Variants in RXFP1 observed in about 807,000 individuals in gnomAD.
RXFP1 encodes the protein relaxin family peptide receptor 1.
RXFP1 carries 73 observed loss-of-function variants against 89.8 expected under a neutral mutation model. That is an observed-to-expected ratio of 0.81 (90% CI 0.67 to 0.99). The LOEUF is 0.99. Among genes scored for constraint, RXFP1 ranks in the 50% least tolerant of loss-of-function variants. RXFP1 has a pLI of 0.00. For synonymous variants in RXFP1, 277 were observed against 305.5 expected (o/e 0.91, Z 0.97); for missense variants, 793 against 895.5 (o/e 0.89, Z 1.46).
chr4:158,565,139 G>T (rs1196063282), intron 1 of RXFP1, among the ~76,000 whole-genome samples: 5 of 152,130 alleles, frequency 3.3e-5, no homozygotes, highest in Admixed American at 3.3e-4. Context: ...TGAGTAAGGC[G>T]AGGAGAGCAT....
At chr4:158,579,529 G>T (rs1246607352) in intron 2 of RXFP1, among the ~76,000 whole-genome samples, 1 of 152,230 alleles carries the variant, frequency 6.6e-6, no homozygotes, top group Non-Finnish European at 1.5e-5. Flanking sequence ...CTCCCAAAGT[G>T]CTGGGATTAC....
At chr4:158,540,069 T>C (rs900366854) in intron 1 of RXFP1, among the ~76,000 whole-genome samples, 8 of 152,248 alleles carry the variant, frequency 5.3e-5, no homozygotes, top group Middle Eastern at 3.4e-3. Flanking sequence ...CAGGGGGTAG[T>C]TACTGTTAGC....
chr4:158,642,468 G>A (rs1304646702), intron 14 of RXFP1, among the ~76,000 whole-genome samples: 2 of 152,088 alleles, frequency 1.3e-5, no homozygotes, highest in African/African-American at 4.8e-5. Flanking sequence ...TCCCCAGCCT[G>A]TAGTATCCTC....
intron 6 of RXFP1, among the ~76,000 whole-genome samples, chr4:158,610,928 T>C (rs1025822684): frequency 1.3e-5 from 2 of 152,196 alleles, no homozygotes; most frequent in African/African-American, 2.4e-5. Context: ...GGATGTTTAC[T>C]CAAGATATGA....
chr4:158,648,746 AATAAT>A, intron 17 of RXFP1, 29 bp downstream of exon 17: 1 of 1,300,686 alleles, frequency 7.7e-7, no homozygotes, highest in Non-Finnish European at 1.1e-6. Context: ...TCCTTAAAGA[AATAAT>A]AAATCTGTTT....
At chr4:158,585,418 A>T (rs1014598753) in intron 2 of RXFP1, among the ~76,000 whole-genome samples, 28 of 152,200 alleles carry the variant, frequency 1.8e-4, no homozygotes, top group African/African-American at 6.8e-4. Context: ...TCCCCAATCA[A>T]ATCTCATCCT....
intron 1 of RXFP1, among the ~76,000 whole-genome samples, chr4:158,561,642 T>G (rs1283864577): frequency 2.7e-5 from 4 of 147,966 alleles, no homozygotes; most frequent in Admixed American, 1.3e-4. Flanking sequence ...TTTTTTTTTT[T>G]TTTGAGACAG....
At chr4:158,636,564 A>C (rs972368488) in intron 12 of RXFP1, among the ~76,000 whole-genome samples, 2 of 152,186 alleles carry the variant, frequency 1.3e-5, no homozygotes, top group African/African-American at 4.8e-5. Context: ...GTTTTATCTT[A>C]ATTAATTCAC....
chr4:158,591,906 T>C (rs963241809), intron 2 of RXFP1, among the ~76,000 whole-genome samples: 35 of 152,074 alleles, frequency 2.3e-4, no homozygotes, highest in Non-Finnish European at 4.6e-4. Context: ...ATTTAGAAGG[T>C]CTAGAGAAGA....
chr4:158,560,926 G>T (rs1043975742), intron 1 of RXFP1, among the ~76,000 whole-genome samples: 4 of 152,186 alleles, frequency 2.6e-5, no homozygotes, highest in African/African-American at 7.2e-5. Context: ...TTCTTTAACG[G>T]AAGGGCAGCA....
chr4:158,627,507 GTGTGT>G (rs1561161751), intron 10 of RXFP1, among the ~76,000 whole-genome samples: 16 of 3,920 alleles, frequency 4.1e-3, no homozygotes, highest in South Asian at 0.056. Flanking sequence ...GCCTTAGGGT[GTGTGT>G]GTGTGTGTGT....
chr4:158,642,084 A>G (rs1561193062), intron 14 of RXFP1, among the ~76,000 whole-genome samples: 1 of 151,880 alleles, frequency 6.6e-6, no homozygotes, highest in Non-Finnish European at 1.5e-5. Flanking sequence ...GTAGTTACAG[A>G]TAATATAACT....
Position 158,617,167 on chromosome 4 carries a change from T to G in RXFP1, c.717T>G (p.Asp239Glu). The G allele has an allele frequency of 3.7e-6, 6 of 1,610,950 alleles. No individual in the cohort carries two copies. Among genetic ancestry groups the G allele is most frequent in the Non-Finnish European group, 5.1e-6 (6 of 1,178,392 alleles). ...LMNNVLTRLP[D>E]KPLCQHMPRL... Reference sequence around the variant, plus strand: ...ATAACGTCCTCACCCGTTTACCTGATAAACCTCTCTGTCAACACATGCCAA... The same window carrying G: ...ATAACGTCCTCACCCGTTTACCTGAGAAACCTCTCTGTCAACACATGCCAA... The change falls in exon 9 of 18, where the codon GAT becomes GAG. Residue 239 changes from aspartate (D) to glutamate (E), a missense_variant. Asp to Glu is a conservative substitution (Grantham distance 45, BLOSUM62 2). Coordinates refer to ENST00000307765, the MANE Select transcript of RXFP1 (RefSeq NM_021634.4).
intron 3 of RXFP1, among the ~76,000 whole-genome samples, chr4:158,597,659 A>G (rs1294194830): frequency 1.3e-5 from 2 of 152,062 alleles, no homozygotes; most frequent in Non-Finnish European, 2.9e-5. Context: ...CCTATTGCAG[A>G]TAACCCTGTA....
At chr4:158,568,017 T>C (rs1358654205) in intron 1 of RXFP1, among the ~76,000 whole-genome samples, 1 of 152,118 alleles carries the variant, frequency 6.6e-6, no homozygotes, top group East Asian at 1.9e-4. Flanking sequence ...AAAGCTTCAC[T>C]CCTGAAGCCA....
chr4:158,647,508 T>C (rs13140159), intron 16 of RXFP1, among the ~76,000 whole-genome samples: 137,174 of 152,276 alleles, frequency 0.9, 63,443 homozygotes, highest in East Asian at 1. Flanking sequence ...TGTGAGTATA[T>C]ATACAACTGT....
chr4:158,537,873 G>T (rs1331570413), intron 1 of RXFP1, among the ~76,000 whole-genome samples: 1 of 152,148 alleles, frequency 6.6e-6, no homozygotes, highest in African/African-American at 2.4e-5. Context: ...AATTTAAAGG[G>T]ATAGAGGGAT....
At chr4:158,578,546 A>G (rs1756703426) in intron 2 of RXFP1, among the ~76,000 whole-genome samples, 1 of 152,206 alleles carries the variant, frequency 6.6e-6, no homozygotes, top group South Asian at 2.1e-4. Flanking sequence ...AAATTCTCAG[A>G]TGCTGTTAAA....
chr4:158,589,929 A>G (rs1307471625), intron 2 of RXFP1, among the ~76,000 whole-genome samples: 2 of 152,046 alleles, frequency 1.3e-5, no homozygotes, highest in Non-Finnish European at 1.5e-5. Context: ...GTATGCATCT[A>G]TAGTCCCAGC....
Sources: gnomAD v4.1 joint callset for allele counts (sites outside exome capture counted in the v4.1 genomes callset) on GRCh38, gnomAD v4.1.1 for gene constraint, MANE v1.5 for transcripts, NCBI Gene and HGNC (gene_info 2026-07-23, HGNC 2026-07-21) for gene names.